ELP4: variants seen among roughly 807,000 people sequenced by gnomAD.
ELP4 encodes elongator complex protein 4.
A neutral mutation model predicts 48.9 loss-of-function variants in ELP4; 51 were observed. That is an observed-to-expected ratio of 1.04 (90% CI 0.83 to 1.32). ELP4 has a LOEUF of 1.32. Among genes scored for constraint, ELP4 ranks in the 40% most tolerant of loss-of-function variants. The probability of loss-of-function intolerance (pLI) is 0.00; values close to 1 mark genes in which losing one functional copy is unlikely to be tolerated. For synonymous variants in ELP4, 210 were observed against 189.2 expected (o/e 1.11, Z -0.90); for missense variants, 519 against 514.6 (o/e 1.01, Z -0.08).
At chr11:31,678,491 ATGTATGTGTGTGTG>A (rs1448477168) in intron 9 of ELP4, among the ~76,000 whole-genome samples, 2 of 46,520 alleles carry the variant, frequency 4.3e-5, no homozygotes, top group Admixed American at 2.6e-4. Flanking sequence ...GCATACATAT[ATGTATGTGTGTGTG>A]TGTGTGTGTG....
At chr11:31,753,860 A>G (rs1947779334) in intron 9 of ELP4, among the ~76,000 whole-genome samples, 1 of 152,178 alleles carries the variant, frequency 6.6e-6, no homozygotes, top group Admixed American at 6.5e-5. Flanking sequence ...GTCCATGAGA[A>G]AAATAGATGT....
intron 9 of ELP4, among the ~76,000 whole-genome samples, chr11:31,711,596 G>A (rs1423414477): frequency 1.3e-5 from 2 of 151,732 alleles, no homozygotes; most frequent in Non-Finnish European, 2.9e-5. Flanking sequence ...TAGCACATTC[G>A]AATATTATAT....
chr11:31,533,736 A>T (rs1956447780), intron 2 of ELP4, among the ~76,000 whole-genome samples: 1 of 151,996 alleles, frequency 6.6e-6, no homozygotes, highest in South Asian at 2.1e-4. Context: ...GCATTTTGAA[A>T]ATGTTACTAC....
At chr11:31,676,721 C>T (rs971613600) in intron 9 of ELP4, among the ~76,000 whole-genome samples, 8 of 152,148 alleles carry the variant, frequency 5.3e-5, no homozygotes, top group African/African-American at 1.9e-4. Context: ...TTAATCCCCA[C>T]AGCTAGTTCT....
intron 3 of ELP4, among the ~76,000 whole-genome samples, chr11:31,588,909 G>A (rs1250051916): frequency 2.0e-5 from 3 of 152,306 alleles, no homozygotes; most frequent in African/African-American, 7.2e-5. Flanking sequence ...CTTGAGCCCA[G>A]GAGGTTGAGG....
intron 7 of ELP4, among the ~76,000 whole-genome samples, chr11:31,641,175 T>G (rs1188489729): frequency 6.6e-6 from 1 of 151,976 alleles, no homozygotes; most frequent in East Asian, 1.9e-4. Flanking sequence ...ACTCAGATCA[T>G]TAGATTATCA....
chr11:31,652,762 A>T (rs1945348646), intron 9 of ELP4: 1 of 151,732 alleles, frequency 6.6e-6, no homozygotes, highest in Admixed American at 6.6e-5. Flanking sequence ...AGTGAAAGGT[A>T]GTTTAGCAGG....
intron 9 of ELP4, among the ~76,000 whole-genome samples, chr11:31,745,403 G>A (rs1364961187): frequency 2.0e-5 from 3 of 152,054 alleles, no homozygotes; most frequent in Admixed American, 1.3e-4. Flanking sequence ...TACAGTTCAT[G>A]TGGAACCAAA....
rs148296974 is a variant in ELP4 at position 31,758,508 on chromosome 11, G to T, written c.1144-24885G>T. ...GGACTAGACTATTATGACCATGGAC[G>T]TTGTCAACCTAGAAAATTCTCTGCT... is the stretch of plus-strand genomic sequence containing the variant. On this transcript the variant is annotated intron_variant, in intron 9 of 9. Transcript: ENST00000640961. 1.1e-4 allele frequency among the ~76,000 whole-genome samples: 17 copies of T among 152,258 alleles called. No individual in the cohort carries two copies. The East Asian group carries it at 2.9e-3, about 26-fold the overall frequency.
intron 3 of ELP4, among the ~76,000 whole-genome samples, chr11:31,550,133 AT>A (rs1410094226): frequency 6.6e-6 from 1 of 152,100 alleles, no homozygotes; most frequent in East Asian, 1.9e-4. Context: ...AAGTATAATA[AT>A]AAAAAAAAAA....
At chr11:31,527,934 G>T (rs1294441242) in intron 2 of ELP4, among the ~76,000 whole-genome samples, 3 of 152,010 alleles carry the variant, frequency 2.0e-5, no homozygotes, top group Non-Finnish European at 4.4e-5. Context: ...CATACTTTGT[G>T]TTTATCATTC....
intron 1 of ELP4, among the ~76,000 whole-genome samples, chr11:31,517,999 G>A (rs1442982780): frequency 1.3e-5 from 2 of 152,032 alleles, no homozygotes; most frequent in Admixed American, 6.6e-5. Flanking sequence ...AAGTGAATTT[G>A]TGTTTGAGAC....
At chr11:31,733,407 G>T (rs559833948) in intron 9 of ELP4, among the ~76,000 whole-genome samples, 16 of 150,032 alleles carry the variant, frequency 1.1e-4, no homozygotes, top group Non-Finnish European at 1.5e-4. Context: ...AACCTGGAAG[G>T]TGGAGGTTGC....
intron 9 of ELP4, chr11:31,761,779 G>T (rs751834303): frequency 3.9e-5 from 6 of 152,206 alleles, no homozygotes; most frequent in Non-Finnish European, 8.8e-5. Flanking sequence ...TTGGGACTTT[G>T]CCACCCAGAC....
intron 5 of ELP4, among the ~76,000 whole-genome samples, chr11:31,617,560 T>G (rs1944516463): frequency 6.6e-6 from 1 of 151,952 alleles, no homozygotes; most frequent in African/African-American, 2.4e-5. Flanking sequence ...GTTAAGATAG[T>G]AAATTTTATG....
intron 9 of ELP4, among the ~76,000 whole-genome samples, chr11:31,661,608 G>A (rs1214262846): frequency 5.9e-5 from 9 of 151,814 alleles, no homozygotes; most frequent in Non-Finnish European, 8.8e-5. Context: ...GTCAAATATT[G>A]CATGAATGGA....
intron 3 of ELP4, among the ~76,000 whole-genome samples, chr11:31,551,876 C>A (rs1006066654): frequency 6.6e-6 from 1 of 152,108 alleles, no homozygotes; most frequent in East Asian, 1.9e-4. Context: ...CAAAACATAT[C>A]ATGACCCTAA....
At chr11:31,579,067 T>G (rs559320663) in intron 3 of ELP4, among the ~76,000 whole-genome samples, 1 of 152,276 alleles carries the variant, frequency 6.6e-6, no homozygotes, top group South Asian at 2.1e-4. Flanking sequence ...ATCCAGAATC[T>G]ACAAAGAGCT....
chr11:31,643,301 T>C (rs1945136410), intron 7 of ELP4, among the ~76,000 whole-genome samples: 1 of 151,820 alleles, frequency 6.6e-6, no homozygotes, highest in Non-Finnish European at 1.5e-5. Flanking sequence ...TTCCTATCTT[T>C]CTTAAATAGT....
Sources: allele counts gnomAD v4.1 joint callset (sites outside exome capture counted in the v4.1 genomes callset), GRCh38; gene constraint gnomAD v4.1.1; transcripts MANE v1.5; gene names NCBI Gene and HGNC (gene_info 2026-07-23, HGNC 2026-07-21).